OSBPL1A: variants seen among roughly 807,000 people sequenced by gnomAD.
OSBPL1A encodes oxysterol binding protein like 1A.
In OSBPL1A, 80 loss-of-function variants were observed where a neutral mutation model predicts 137.1. The observed-to-expected ratio is 0.58, with a 90% CI of 0.49 to 0.70. The LOEUF (loss-of-function observed/expected upper bound fraction) is 0.70. Among genes scored for constraint, OSBPL1A ranks in the 30% least tolerant of loss-of-function variants. The pLI, the probability that OSBPL1A is intolerant of heterozygous loss-of-function variation, is 0.00. For missense variants in OSBPL1A, 970 were observed against 1,129.4 expected (o/e 0.86, Z 2.02); for synonymous variants, 365 against 389.7 (o/e 0.94, Z 0.75).
At chr18:24,390,074 G>A (rs1364319129) in intron 1 of OSBPL1A, among the ~76,000 whole-genome samples, 1 of 152,152 alleles carries the variant, frequency 6.6e-6, no homozygotes, top group Non-Finnish European at 1.5e-5. Context: ...TTAACAATGT[G>A]CCCTTTTCAG....
Position 24,318,674 on chromosome 18 carries a change from G to T in OSBPL1A, c.688-29C>A, listed in dbSNP as rs372014686. 99 of 1,606,654 alleles carry T rather than the reference G, an allele frequency of 6.2e-5. No homozygotes were observed. The African/African-American group carries it at 1.2e-3, about 19-fold the overall frequency. ...TCAAAAACATGTTTTCATGAAAAAT[G>T]CATCTACATATTTCAAACATTCAAA... is the stretch of plus-strand genomic sequence containing the variant. On this transcript the variant is annotated intron_variant, in intron 8 of 27. Coordinates refer to ENST00000319481, the MANE Select transcript of OSBPL1A (RefSeq NM_080597.4).
intron 17 of OSBPL1A, among the ~76,000 whole-genome samples, chr18:24,210,338 T>G (rs1183216471): frequency 1.3e-5 from 2 of 151,982 alleles, no homozygotes; most frequent in Non-Finnish European, 2.9e-5. Context: ...GGCAGGAGAA[T>G]CACTTGAATC....
At chr18:24,335,486 G>A (rs971525991) in intron 5 of OSBPL1A, among the ~76,000 whole-genome samples, 7 of 152,156 alleles carry the variant, frequency 4.6e-5, no homozygotes, top group Non-Finnish European at 1.0e-4. Flanking sequence ...CTGGCAATCC[G>A]ATTTGTGTGA....
At chr18:24,329,004 G>A (rs1599674180) in intron 7 of OSBPL1A, among the ~76,000 whole-genome samples, 2 of 152,274 alleles carry the variant, frequency 1.3e-5, no homozygotes, top group East Asian at 3.9e-4. Flanking sequence ...ATTAGACAGT[G>A]AGAGTCTAGA....
chr18:24,358,383 C>CCGGCAGCACTACTTG, intron 4 of OSBPL1A: 1 of 677,944 alleles, frequency 1.5e-6, no homozygotes, highest in Non-Finnish European at 2.7e-6. Flanking sequence ...ATCGCTTGAG[C>CCGGCAGCACTACTTG]CGGCAGCACT....
chr18:24,231,355 T>G lies in OSBPL1A; in HGVS notation c.1445-6157A>C, dbSNP rs191111175. Among the ~76,000 whole-genome samples the G allele has an allele frequency of 1.1e-4, 16 of 152,272 alleles. No individual in the cohort carries two copies. In the East Asian group the frequency reaches 2.9e-3, roughly 28 times the overall value. On this transcript the variant is annotated intron_variant, in intron 16 of 27. Transcript: ENST00000319481. Reference sequence around the variant, plus strand: ...GCACCCAGTCTGGAGTGCAGTGGCGTGATCTCAGTTCACTGCAACCTCCGC... The same window carrying G: ...GCACCCAGTCTGGAGTGCAGTGGCGGGATCTCAGTTCACTGCAACCTCCGC...
At chr18:24,275,459 G>A (rs6508297) in intron 15 of OSBPL1A, among the ~76,000 whole-genome samples, 12,775 of 152,156 alleles carry the variant, frequency 0.084, 1,778 homozygotes, top group African/African-American at 0.29. Context: ...GGCCAGAGAC[G>A]GGTGCAGGCC....
Position 24,378,180 on chromosome 18 carries a change from A to G in OSBPL1A, c.-2-645T>C, listed in dbSNP as rs145045288. On this transcript the variant is annotated intron_variant, in intron 1 of 27. Coordinates refer to ENST00000319481, the MANE Select transcript of OSBPL1A (RefSeq NM_080597.4). ...AAAATGAGCAAATATTACAAATAGC[A>G]ATTCCCAGAAGTATGTCATTCTTAC... 1.6e-4 allele frequency among the ~76,000 whole-genome samples: 24 copies of G among 152,334 alleles called. No homozygotes were observed. In the East Asian group the frequency reaches 4.6e-3, roughly 29 times the overall value.
intron 11 of OSBPL1A, 126 bp downstream of exon 11, chr18:24,317,023 A>T: frequency 1.1e-6 from 1 of 876,650 alleles, no homozygotes. Flanking sequence ...TAAAATATAT[A>T]CAAGTGTTTT....
At chr18:24,252,460 T>C (rs566019307) in intron 15 of OSBPL1A, among the ~76,000 whole-genome samples, 1 of 151,932 alleles carries the variant, frequency 6.6e-6, no homozygotes, top group African/African-American at 2.4e-5. Flanking sequence ...TACCCTAGAA[T>C]AGTATATCTT....
chr18:24,287,474 A>G (rs1022607912), intron 14 of OSBPL1A, among the ~76,000 whole-genome samples: 1 of 152,166 alleles, frequency 6.6e-6, no homozygotes, highest in Non-Finnish European at 1.5e-5. Context: ...CCTGTCTTCT[A>G]GACTTTGGCA....
chr18:24,236,530 C>T (rs1468144964), intron 16 of OSBPL1A, among the ~76,000 whole-genome samples: 1 of 152,176 alleles, frequency 6.6e-6, no homozygotes, highest in Non-Finnish European at 1.5e-5. Flanking sequence ...GCAGTTTCTA[C>T]ACTGTGCCAA....
intron 18 of OSBPL1A, among the ~76,000 whole-genome samples, chr18:24,183,639 T>A (rs1003382498): frequency 6.6e-6 from 1 of 152,060 alleles, no homozygotes; most frequent in Non-Finnish European, 1.5e-5. Flanking sequence ...TTTCACCATG[T>A]TGGCCAGGCT....
intron 4 of OSBPL1A, among the ~76,000 whole-genome samples, chr18:24,346,601 A>G (rs2091349728): frequency 6.6e-6 from 1 of 152,180 alleles, no homozygotes; most frequent in Non-Finnish European, 1.5e-5. Context: ...TTCAGTTAGC[A>G]TGTTCTCAAG....
intron 16 of OSBPL1A, among the ~76,000 whole-genome samples, chr18:24,238,320 A>G (rs564418120): frequency 2.0e-5 from 3 of 149,098 alleles, no homozygotes; most frequent in Admixed American, 8.0e-5. Flanking sequence ...CCATACAACA[A>G]TTAATTTTTC....
chr18:24,175,122 A>ATACG (rs1555625069), intron 21 of OSBPL1A, among the ~76,000 whole-genome samples: 15 of 124,978 alleles, frequency 1.2e-4, no homozygotes, highest in Middle Eastern at 3.5e-3. Context: ...ATATATATAT[A>ATACG]TATATATATA....
At position 24,323,998 on chromosome 18, in the gene OSBPL1A, C is replaced by T. The variant is rs1359257481; in HGVS notation, c.626-5189G>A. Among the ~76,000 whole-genome samples, 18 of 67,632 alleles carry T rather than the reference C, an allele frequency of 2.7e-4. 4 individuals are homozygous for T. Among genetic ancestry groups the T allele is most frequent in the African/African-American group, 1.1e-3 (13 of 11,434 alleles). The allele number at this position is 67,632 out of a possible 152,430, so 44.4% of individuals were successfully genotyped here. On this transcript the variant is annotated intron_variant, in intron 7 of 27. Transcript: ENST00000319481. ...AAGTCTTTGCTATTGTGAATAGTGC[C>T]GCAATAAACATACGTGTGCATGTGT...
At position 24,271,899 on chromosome 18, in the gene OSBPL1A, C is replaced by G; in HGVS notation, c.1281+8943G>C. The G allele has an allele frequency of 2.0e-6, 2 of 984,508 alleles. No individual in the cohort carries two copies. Among genetic ancestry groups the G allele is most frequent in the Non-Finnish European group, 2.4e-6 (2 of 829,696 alleles). 61.0% of individuals were successfully genotyped at this position (984,508 alleles called of 1,614,324 possible). A position where few individuals can be genotyped will look rare whatever the true frequency, so the allele number is the denominator to read the frequency against. On this transcript the variant is annotated intron_variant, in intron 15 of 27. Transcript: ENST00000319481. This position sits in a 1 kb window ranked among gnomAD's most constrained non-coding sequence, Gnocchi z 4.0. ...CCCAGGACTCCCGCGCCGCGCCCGC[C>G]CGGGCCGCAGAGGTCTGCGCTGCCC...
intron 14 of OSBPL1A, among the ~76,000 whole-genome samples, chr18:24,283,281 A>AAAAAAAAAAAAT (rs1246058393): frequency 1.3e-5 from 1 of 78,376 alleles, no homozygotes; most frequent in Non-Finnish European, 2.3e-5. Flanking sequence ...AAAAAAAAAA[A>AAAAAAAAAAAAT]ATATATATAT....
Sources: allele counts gnomAD v4.1 joint callset (sites outside exome capture counted in the v4.1 genomes callset), GRCh38; gene constraint gnomAD v4.1.1; non-coding constraint Gnocchi (gnomAD v3.1); transcripts MANE v1.5; gene names NCBI Gene and HGNC (gene_info 2026-07-23, HGNC 2026-07-21).